SKA1: variants seen among roughly 807,000 people sequenced by gnomAD.
SKA1 encodes the protein spindle and kinetochore associated complex subunit 1.
In SKA1, 20 loss-of-function variants were observed where a neutral mutation model predicts 31.8. The observed-to-expected ratio is 0.63, with a 90% CI of 0.44 to 0.91. The LOEUF is 0.91. SKA1 is among the 40% of genes least tolerant of loss of function. The pLI is 0.00. For synonymous variants in SKA1, 88 were observed against 100.5 expected (o/e 0.88, Z 0.74); for missense variants, 253 against 298.2 (o/e 0.85, Z 1.12).
At chr18:50,384,953 G>A (rs1173886604) in intron 4 of SKA1, among the ~76,000 whole-genome samples, 1 of 149,230 alleles carries the variant, frequency 6.7e-6, no homozygotes, top group Non-Finnish European at 1.5e-5. Flanking sequence ...ACTTTGAGGA[G>A]CTGGTGGGAC....
Position 50,392,349 on chromosome 18 carries a change from T to G in SKA1, c.*102T>G. On this transcript the variant is annotated 3_prime_UTR_variant, in exon 7 of 7. Coordinates refer to ENST00000285116, the MANE Select transcript of SKA1 (RefSeq NM_145060.4). Reference sequence around the variant, plus strand: ...TTTTTTAACTTTTAATCTTTTTTGTTTCCTTTTTTTTTTTTTTGAGACAGG... The same window carrying G: ...TTTTTTAACTTTTAATCTTTTTTGTGTCCTTTTTTTTTTTTTTGAGACAGG... 1 of 801,358 alleles carries G rather than the reference T, an allele frequency of 1.2e-6. No individual in the cohort carries two copies. The highest frequency in any genetic ancestry group is 1.7e-6 in the Non-Finnish European group (1 of 593,110). 49.6% of individuals were successfully genotyped at this position (801,358 alleles called of 1,614,324 possible). A position where few individuals can be genotyped will look rare whatever the true frequency, so the allele number is the denominator to read the frequency against.
intron 2 of SKA1, among the ~76,000 whole-genome samples, chr18:50,376,471 A>T (rs936262644): frequency 3.9e-5 from 6 of 152,210 alleles, no homozygotes; most frequent in Middle Eastern, 3.2e-3. Flanking sequence ...CATAGAAAAG[A>T]TACAGTAAAA....
chr18:50,385,126 G>A lies in SKA1; in HGVS notation c.312-90G>A, dbSNP rs58785508. The A allele has an allele frequency of 0.011, 11,838 of 1,032,186 alleles. 962 individuals carry two copies. In the African/African-American group the frequency reaches 0.17, roughly 15 times the overall value. 63.9% of individuals were successfully genotyped at this position (1,032,186 alleles called of 1,614,324 possible). A position where few individuals can be genotyped will look rare whatever the true frequency, so the allele number is the denominator to read the frequency against. ...ATAAGATTATAACAGGATGAGTTAC[G>A]TATTTAATATTATTTTCAGTTGGGA... On this transcript the variant is annotated intron_variant, in intron 4 of 6. Coordinates refer to ENST00000285116, the MANE Select transcript of SKA1 (RefSeq NM_145060.4).
At chr18:50,383,611 T>A (rs2041279810) in intron 4 of SKA1, among the ~76,000 whole-genome samples, 1 of 152,244 alleles carries the variant, frequency 6.6e-6, no homozygotes, top group African/African-American at 2.4e-5. Context: ...TGTCTTGCTC[T>A]TTCTCAGCCA....
chr18:50,385,070 A>G (rs1356578004), intron 4 of SKA1, 146 bp from the exon 5 acceptor site: 5 of 606,014 alleles, frequency 8.3e-6, no homozygotes, highest in Middle Eastern at 3.3e-4. Flanking sequence ...TTCATGAACA[A>G]TAGACATAGG....
At chr18:50,388,236 C>T (rs1468985165) in intron 5 of SKA1, among the ~76,000 whole-genome samples, 1 of 152,084 alleles carries the variant, frequency 6.6e-6, no homozygotes, top group African/African-American at 2.4e-5. Context: ...TACAGGCGCC[C>T]GCCGCCACCA....
intron 5 of SKA1, among the ~76,000 whole-genome samples, chr18:50,388,011 G>A (rs143664871): frequency 1.6e-4 from 25 of 152,270 alleles, no homozygotes; most frequent in Non-Finnish European, 2.4e-4. Flanking sequence ...CTAGGAGCTG[G>A]GCTATGTTTA....
At position 50,393,684 on chromosome 18, in the gene SKA1, G is replaced by A. The variant is rs1343559891; in HGVS notation, c.*1437G>A. 6.6e-6 allele frequency: 1 copy of A among 152,166 alleles called. No individual in the cohort carries two copies. Among genetic ancestry groups the A allele is most frequent in the African/African-American group, 2.4e-5 (1 of 41,432 alleles). 9.4% of individuals were successfully genotyped at this position (152,166 alleles called of 1,614,324 possible). ...CTTGTTCAGAGCTCCTAAAACCCTT[G>A]TAATTTCCAAAGTGATGGAGTACAT... On this transcript the variant is annotated 3_prime_UTR_variant, in exon 7 of 7. Coordinates refer to ENST00000285116, the MANE Select transcript of SKA1 (RefSeq NM_145060.4).
At chr18:50,377,466 A>G (rs2041228202) in intron 2 of SKA1, among the ~76,000 whole-genome samples, 1 of 152,366 alleles carries the variant, frequency 6.6e-6, no homozygotes, top group Non-Finnish European at 1.5e-5. Context: ...ATTACTCTAT[A>G]TCACTGGGAA....
At chr18:50,380,781 A>T (rs1048707578) in intron 3 of SKA1, among the ~76,000 whole-genome samples, 1 of 152,230 alleles carries the variant, frequency 6.6e-6, no homozygotes, top group Non-Finnish European at 1.5e-5. Context: ...TGCACATTTT[A>T]TTCTAAACAA....
chr18:50,378,892 A>ATGC (rs1037215797), intron 2 of SKA1, among the ~76,000 whole-genome samples: 12 of 68,476 alleles, frequency 1.8e-4, no homozygotes, highest in Admixed American at 9.3e-4. Flanking sequence ...ATAGAATGAT[A>ATGC]TACTCATGAT....
chr18:50,391,756 A>G (rs2041359256), intron 6 of SKA1, among the ~76,000 whole-genome samples: 2 of 152,192 alleles, frequency 1.3e-5, no homozygotes, highest in Admixed American at 1.3e-4. Flanking sequence ...TATTACTCCC[A>G]ATTTGTAGAC....
intron 6 of SKA1, 110 bp from the exon 7 acceptor site, chr18:50,391,989 G>T: frequency 4.0e-6 from 3 of 740,926 alleles, no homozygotes; most frequent in Non-Finnish European, 6.3e-6. Context: ...GGTTTTATTG[G>T]ATACTAACAG....
At chr18:50,377,167 T>C (rs2149318691) in intron 2 of SKA1, among the ~76,000 whole-genome samples, 1 of 152,338 alleles carries the variant, frequency 6.6e-6, no homozygotes, top group South Asian at 2.1e-4. Flanking sequence ...TTGTATGTGC[T>C]GTACTTTTGT....
At chr18:50,378,216 C>T (rs925790392) in intron 2 of SKA1, among the ~76,000 whole-genome samples, 1 of 152,186 alleles carries the variant, frequency 6.6e-6, no homozygotes, top group African/African-American at 2.4e-5. Flanking sequence ...CTTGAATTCA[C>T]ATGACCCACC....
intron 5 of SKA1, among the ~76,000 whole-genome samples, chr18:50,386,403 T>A (rs907027987): frequency 2.0e-5 from 3 of 152,218 alleles, no homozygotes; most frequent in Admixed American, 2.0e-4. Flanking sequence ...GTTGTTTTAT[T>A]TAATAAAGTA....
chr18:50,390,151 T>C (rs2041345135), intron 5 of SKA1, among the ~76,000 whole-genome samples: 1 of 152,034 alleles, frequency 6.6e-6, no homozygotes, highest in Non-Finnish European at 1.5e-5. Flanking sequence ...TTTGTAGAAA[T>C]TGTGGTTAGA....
chr18:50,382,775 A>T (rs1438307518), intron 4 of SKA1, among the ~76,000 whole-genome samples: 1 of 152,186 alleles, frequency 6.6e-6, no homozygotes, highest in Non-Finnish European at 1.5e-5. Flanking sequence ...GCTCACGCCT[A>T]TAATCCTAGC....
chr18:50,385,150 G>GA lies in SKA1; in HGVS notation c.312-62dup, dbSNP rs1189348313. On this transcript the variant is annotated intron_variant, in intron 4 of 6. Transcript: ENST00000285116. ...CGTATTTAATATTATTTTCAGTTGG[G>GA]AAAACTGTCAGTATGCTGCTTATTT... The GA allele has an allele frequency of 6.0e-6, 8 of 1,331,426 alleles. No homozygotes were observed. The East Asian group carries it at 2.0e-4, about 33-fold the overall frequency. The allele number at this position is 1,331,426 out of a possible 1,614,324, so 82.5% of individuals were successfully genotyped here. A position where few individuals can be genotyped will look rare whatever the true frequency, so the allele number is the denominator to read the frequency against.
Sources: gnomAD v4.1 joint callset for allele counts (sites outside exome capture counted in the v4.1 genomes callset) on GRCh38, gnomAD v4.1.1 for gene constraint, MANE v1.5 for transcripts, NCBI Gene and HGNC (gene_info 2026-07-23, HGNC 2026-07-21) for gene names.